Variants in SDHAF3 observed in about 807,000 individuals in gnomAD.
SDHAF3 encodes succinate dehydrogenase complex assembly factor 3.
A neutral mutation model predicts 11.5 loss-of-function variants in SDHAF3; 18 were observed. The observed-to-expected ratio is 1.56, with a 90% CI of 1.08 to 2.32. The LOEUF is 2.32. SDHAF3 is among the 30% of genes most tolerant of loss of function. The pLI is 0.00. For missense variants in SDHAF3, 200 were observed against 154.4 expected, an observed-to-expected ratio of 1.30 and a Z score of -1.57; for synonymous variants, 72 against 59.3, an observed-to-expected ratio of 1.21 and a Z score of -0.99.
At chr7:97,167,225 C>G (rs560812195) in intron 1 of SDHAF3, among the ~76,000 whole-genome samples, 2 of 152,080 alleles carry the variant, frequency 1.3e-5, no homozygotes, top group African/African-American at 2.4e-5. Flanking sequence ...GCTGTTCTCA[C>G]GATAGTGAGT....
chr7:97,137,184 G>T (rs1035616029), intron 1 of SDHAF3, among the ~76,000 whole-genome samples: 1 of 152,034 alleles, frequency 6.6e-6, no homozygotes, highest in Non-Finnish European at 1.5e-5. Flanking sequence ...GATTTACATT[G>T]TCAGTCAAAG....
intron 1 of SDHAF3, among the ~76,000 whole-genome samples, chr7:97,123,871 A>C (rs1326685922): frequency 1.6e-5 from 2 of 123,536 alleles, no homozygotes; most frequent in South Asian, 2.5e-4. Context: ...AAATTTGTTT[A>C]AGTTCCTTGT....
At chr7:97,134,189 A>G (rs575039565) in intron 1 of SDHAF3, among the ~76,000 whole-genome samples, 49 of 152,346 alleles carry the variant, frequency 3.2e-4, no homozygotes, top group African/African-American at 1.1e-3. Context: ...GATGGCTGCC[A>G]CCTGCAGCCT....
At chr7:97,173,917 CT>C (rs1473611317) in intron 1 of SDHAF3, among the ~76,000 whole-genome samples, 1 of 148,148 alleles carries the variant, frequency 6.8e-6, no homozygotes, top group East Asian at 2.0e-4. Context: ...TTGTTAGCAG[CT>C]TTTTTTTCTT....
rs1031730839 is a variant in SDHAF3, at chr7:97,133,532, T to G, written c.174+15635T>G. On this transcript the variant is annotated intron_variant, in intron 1 of 1. Transcript: ENST00000432641. ...GTTGCCCTTTTTTCCTGAACAGTAC[T>G]GAATGCATATTGTAAGTTTGCCCTC... is the stretch of plus-strand genomic sequence containing the variant. Among the ~76,000 whole-genome samples, 3 of 152,232 alleles carry G rather than the reference T, an allele frequency of 2.0e-5. No individual in the cohort carries two copies. The South Asian group carries it at 6.2e-4, about 31-fold the overall frequency.
intron 1 of SDHAF3, among the ~76,000 whole-genome samples, chr7:97,172,344 T>C (rs536720611): frequency 6.6e-6 from 1 of 152,290 alleles, no homozygotes; most frequent in African/African-American, 2.4e-5. Flanking sequence ...TATATGCATG[T>C]ATTTTTTAAG....
At chr7:97,142,531 G>C (rs1210749762) in intron 1 of SDHAF3, 2 of 152,072 alleles carry the variant, frequency 1.3e-5, no homozygotes, top group Non-Finnish European at 2.9e-5. Flanking sequence ...AGCTGGTTCA[G>C]TTTTTAATTT....
intron 1 of SDHAF3, among the ~76,000 whole-genome samples, chr7:97,130,284 A>C (rs938304266): frequency 1.5e-4 from 23 of 151,826 alleles, no homozygotes; most frequent in Non-Finnish European, 2.9e-4. Flanking sequence ...AAAAAAAAAA[A>C]AAACCTTGAT....
rs568417392 is a variant in SDHAF3 at position 97,120,513 on chromosome 7, A to T, written c.174+2616A>T. On this transcript the variant is annotated intron_variant, in intron 1 of 1. Coordinates refer to ENST00000432641, the MANE Select transcript of SDHAF3 (RefSeq NM_020186.3). ...TTTTCCCCCCCACCTGTTCTTCAAA[A>T]TATCTAATTTATGATTATGTTATAC... is the stretch of plus-strand genomic sequence containing the variant. Among the ~76,000 whole-genome samples, 3 of 152,080 alleles carry T rather than the reference A, an allele frequency of 2.0e-5. No homozygotes were observed. In the South Asian group the frequency reaches 6.2e-4, roughly 32 times the overall value.
intron 1 of SDHAF3, among the ~76,000 whole-genome samples, chr7:97,120,943 A>C (rs1791481906): frequency 6.6e-6 from 1 of 152,192 alleles, no homozygotes; most frequent in South Asian, 2.1e-4. Context: ...TCAGGGACCA[A>C]GTGGGGCAAC....
In SDHAF3 at chr7:97,131,902, T is replaced by C. The variant is rs558879719; in HGVS notation, c.174+14005T>C. On this transcript the variant is annotated intron_variant, in intron 1 of 1. Coordinates refer to ENST00000432641, the MANE Select transcript of SDHAF3 (RefSeq NM_020186.3). Reference sequence around the variant, plus strand: ...ATCCAATGATAGAATAATGAAATTATAGCCACATGATGGATGGGTTAGTAT... The same window carrying C: ...ATCCAATGATAGAATAATGAAATTACAGCCACATGATGGATGGGTTAGTAT... 1.2e-3 allele frequency among the ~76,000 whole-genome samples: 185 copies of C among 152,296 alleles called. 1 individual carries two copies. The highest frequency in any genetic ancestry group is 3.4e-3 in the Middle Eastern group (1 of 294).
intron 1 of SDHAF3, among the ~76,000 whole-genome samples, chr7:97,139,064 G>A (rs1788981743): frequency 6.6e-6 from 1 of 152,234 alleles, no homozygotes; most frequent in Non-Finnish European, 1.5e-5. Flanking sequence ...GGCTGGCCTG[G>A]CCCTGCCGCT....
At chr7:97,118,265 CTCTTA>C (rs1791439761) in intron 1 of SDHAF3, among the ~76,000 whole-genome samples, 1 of 152,114 alleles carries the variant, frequency 6.6e-6, no homozygotes, top group African/African-American at 2.4e-5. Flanking sequence ...ATTAATGGTT[CTCTTA>C]TTAGTTTTCA....
Position 97,156,804 on chromosome 7 carries a change from T to G in SDHAF3, c.175-24208T>G, listed in dbSNP as rs181484004. Among the ~76,000 whole-genome samples the G allele has an allele frequency of 3.3e-3, 498 of 152,176 alleles. 5 individuals are homozygous for G. Among genetic ancestry groups the G allele is most frequent in the African/African-American group, 0.011 (470 of 41,456 alleles). On this transcript the variant is annotated intron_variant, in intron 1 of 1. Coordinates refer to ENST00000432641, the MANE Select transcript of SDHAF3 (RefSeq NM_020186.3). ...AATTTCTTTTTTAATGTTTTACATA[T>G]ATATTTTTTTAGAGTGAATTATGTT...
At chr7:97,135,591 G>C (rs905002378) in intron 1 of SDHAF3, 6 of 144,712 alleles carry the variant, frequency 4.1e-5, no homozygotes, top group Non-Finnish European at 9.0e-5. Flanking sequence ...ATGTGTGTGT[G>C]TGTGTGTGTG....
chr7:97,117,976 C>T lies in SDHAF3; in HGVS notation c.174+79C>T, dbSNP rs1464601342. 5 of 1,520,464 alleles carry T rather than the reference C, an allele frequency of 3.3e-6. No homozygotes were observed. The African/African-American group carries it at 5.5e-5, about 17-fold the overall frequency. 94.2% of individuals were successfully genotyped at this position (1,520,464 alleles called of 1,614,324 possible). A position where few individuals can be genotyped will look rare whatever the true frequency, so the allele number is the denominator to read the frequency against. On this transcript the variant is annotated intron_variant, in intron 1 of 1. Transcript: ENST00000432641. The stretch of plus-strand genomic sequence containing the variant: ...AGGTTTCTAGTTCCAGTCCCCCATG[C>T]GGGGTTAAACAGAGCAGCAACCTGT...
intron 1 of SDHAF3, chr7:97,142,890 CTTTTTTTTTTTTTTTTTT>C: frequency 1.1e-5 from 1 of 87,086 alleles, no homozygotes; most frequent in East Asian, 3.6e-4. Flanking sequence ...TTCTTAAATT[CTTTTTTTTTTTTTTTTTT>C]TTTTTTTAGA....
chr7:97,145,934 T>C (rs1056809491), intron 1 of SDHAF3, among the ~76,000 whole-genome samples: 1 of 152,142 alleles, frequency 6.6e-6, no homozygotes, highest in South Asian at 2.1e-4. Flanking sequence ...AACACATGAT[T>C]GTTTTTGAGT....
At chr7:97,160,481 GAA>G (rs1338413292) in intron 1 of SDHAF3, among the ~76,000 whole-genome samples, 1 of 151,852 alleles carries the variant, frequency 6.6e-6, no homozygotes, top group Non-Finnish European at 1.5e-5. Context: ...GTGGGGAAAA[GAA>G]AGAGAGATCA....
Sources: gnomAD v4.1 joint callset for allele counts (sites outside exome capture counted in the v4.1 genomes callset) on GRCh38, gnomAD v4.1.1 for gene constraint, MANE v1.5 for transcripts, NCBI Gene and HGNC (gene_info 2026-07-23, HGNC 2026-07-21) for gene names.